Variants in LPAR3 observed in about 807,000 individuals in gnomAD.
LPAR3 encodes lysophosphatidic acid receptor 3.
A neutral mutation model predicts 17.8 loss-of-function variants in LPAR3; 7 were observed. The observed-to-expected ratio is 0.39, with a 90% CI of 0.22 to 0.74. The LOEUF (loss-of-function observed/expected upper bound fraction) is 0.74. Among genes scored for constraint, LPAR3 ranks in the 30% least tolerant of loss-of-function variants. The pLI is 0.40. For missense variants in LPAR3, 391 were observed against 453.4 expected (o/e 0.86, Z 1.25); for synonymous variants, 179 against 179.9 (o/e 0.99, Z 0.04).
At chr1:84,858,345 A>C (rs935225306) in intron 2 of LPAR3, among the ~76,000 whole-genome samples, 1 of 152,096 alleles carries the variant, frequency 6.6e-6, no homozygotes, top group Non-Finnish European at 1.5e-5. Flanking sequence ...GTAGCTGGGC[A>C]TGGTGCCACA....
chr1:84,818,499 T>G (rs1045204822), intron 2 of LPAR3, among the ~76,000 whole-genome samples: 1 of 152,244 alleles, frequency 6.6e-6, no homozygotes, highest in African/African-American at 2.4e-5. Flanking sequence ...TTATCCTTTT[T>G]TGAGTGTGTG....
intron 2 of LPAR3, among the ~76,000 whole-genome samples, chr1:84,823,402 T>C (rs186097892): frequency 3.9e-5 from 6 of 152,288 alleles, no homozygotes; most frequent in Middle Eastern, 6.8e-3. Flanking sequence ...CTTTAGTAAA[T>C]CTGATTTATA....
chr1:84,861,978 A>G (rs1391976026), intron 2 of LPAR3, among the ~76,000 whole-genome samples: 3 of 152,216 alleles, frequency 2.0e-5, no homozygotes, highest in Non-Finnish European at 2.9e-5. Context: ...GTTTGTGACC[A>G]TGACTGTCTC....
In LPAR3 at chr1:84,865,930, G is replaced by A; in HGVS notation, c.191C>T (p.Pro64Leu). ...TAAATTAGCCAACAGGTAGTAGAAG[G>A]GGAAATGAAATTTTCTGTTTTTGAT... ...AVIKNRKFHF[P>L]FYYLLANLAA... Residue 64 changes from proline (P) to leucine (L), a missense_variant, in exon 2 of 3, where the codon CCC becomes CTC. Coordinates refer to ENST00000370611, the MANE Select transcript of LPAR3 (RefSeq NM_012152.3). The A allele has an allele frequency of 6.2e-7, 1 of 1,614,074 alleles. No individual in the cohort carries two copies. Among genetic ancestry groups the A allele is most frequent in the Non-Finnish European group, 8.5e-7 (1 of 1,179,996 alleles).
intron 2 of LPAR3, among the ~76,000 whole-genome samples, chr1:84,846,892 C>T (rs867026345): frequency 1.3e-5 from 2 of 152,052 alleles, no homozygotes; most frequent in Admixed American, 6.5e-5. Flanking sequence ...ATAGGTCCTA[C>T]AAGAGTTTTA....
intron 2 of LPAR3, among the ~76,000 whole-genome samples, chr1:84,852,928 C>T (rs975488542): frequency 5.3e-5 from 8 of 151,896 alleles, no homozygotes; most frequent in Non-Finnish European, 8.8e-5. Flanking sequence ...TAGCTTACTA[C>T]GGTTTGAAGT....
At chr1:84,831,523 A>G (rs922830235) in intron 2 of LPAR3, among the ~76,000 whole-genome samples, 1 of 119,316 alleles carries the variant, frequency 8.4e-6, no homozygotes, top group African/African-American at 2.7e-5. Context: ...TGCATTATAT[A>G]TATATCATCA....
intron 1 of LPAR3, among the ~76,000 whole-genome samples, chr1:84,883,862 T>C (rs533146823): frequency 1.7e-4 from 26 of 152,320 alleles, no homozygotes; most frequent in Admixed American, 8.5e-4. Flanking sequence ...TTACTGAATC[T>C]AGAAGAAATA....
rs1421547983 is a variant in LPAR3, at chr1:84,813,931, G to A, written c.977C>T (p.Thr326Ile). ...GCCTGTGTCACTCCTGCTGAGGACT[G>A]TGGAGGGGATGCGAGAGGGACGCCT... ...PERRPSRIPSTVLSRSDTGSQ... is the reference protein window; with the variant it reads ...PERRPSRIPSIVLSRSDTGSQ... The change falls in exon 3 of 3, where the codon ACA (threonine) becomes ATA (isoleucine). Residue 326 changes from threonine to isoleucine, a missense_variant. Thr to Ile is a moderately conservative substitution (Grantham distance 89). Transcript: ENST00000370611. 1.2e-6 allele frequency: 2 copies of A among 1,614,076 alleles called. No individual in the cohort carries two copies. The highest frequency in any genetic ancestry group is 1.7e-6 in the Non-Finnish European group (2 of 1,180,026).
chr1:84,817,730 C>T (rs1220906856), intron 2 of LPAR3, among the ~76,000 whole-genome samples: 2 of 150,542 alleles, frequency 1.3e-5, no homozygotes, highest in African/African-American at 4.9e-5. Context: ...GCCAATCAGC[C>T]AATATTTTTG....
intron 2 of LPAR3, among the ~76,000 whole-genome samples, chr1:84,862,117 T>C (rs947689644): frequency 5.3e-5 from 8 of 152,156 alleles, no homozygotes; most frequent in African/African-American, 9.7e-5. Context: ...TCAAGACACA[T>C]AGCCAAGCAA....
rs1406644551 is a variant in LPAR3 at position 84,813,807 on chromosome 1, C to T, written c.*39G>A. On this transcript the variant is annotated 3_prime_UTR_variant, in exon 3 of 3. Transcript: ENST00000370611. ...GGTAATCATTCTTAACAGCTCTTTT[C>T]CCAGAGGAGGCCTGGGTGGGCCGAG... The T allele has an allele frequency of 2.0e-5, 30 of 1,528,144 alleles. No homozygotes were observed. Among genetic ancestry groups the T allele is most frequent in the Non-Finnish European group, 2.6e-5 (29 of 1,111,692 alleles). 94.7% of individuals were successfully genotyped at this position (1,528,144 alleles called of 1,614,324 possible). A position where few individuals can be genotyped will look rare whatever the true frequency, so the allele number is the denominator to read the frequency against.
At chr1:84,852,242 C>G (rs1324897221) in intron 2 of LPAR3, among the ~76,000 whole-genome samples, 1 of 151,794 alleles carries the variant, frequency 6.6e-6, no homozygotes, top group Non-Finnish European at 1.5e-5. Flanking sequence ...ACCACCACGC[C>G]TGGCTAATTT....
At chr1:84,884,183 A>G (rs1288879653) in intron 1 of LPAR3, among the ~76,000 whole-genome samples, 1 of 152,220 alleles carries the variant, frequency 6.6e-6, no homozygotes, top group African/African-American at 2.4e-5. Flanking sequence ...CAAATCGGGT[A>G]TCAGTTTAGA....
At chr1:84,853,043 C>T (rs1659749690) in intron 2 of LPAR3, among the ~76,000 whole-genome samples, 1 of 150,840 alleles carries the variant, frequency 6.6e-6, no homozygotes, top group African/African-American at 2.4e-5. Context: ...ATCGCTTGAG[C>T]TCAGGAGTTT....
Position 84,865,548 on chromosome 1 carries a change from C to T in LPAR3, c.573G>A (p.Trp191Ter). 1 of 1,614,112 alleles carries T rather than the reference C, an allele frequency of 6.2e-7. No individual in the cohort carries two copies. Among genetic ancestry groups the T allele is most frequent in the Non-Finnish European group, 8.5e-7 (1 of 1,180,036 alleles). Reference sequence around the variant, plus strand: ...GGAAGGCCATGAGGTTGGACACTGTCCAGAAAACAAGGTAACTCCTGCTGT... The same window carrying T: ...GGAAGGCCATGAGGTTGGACACTGTTCAGAAAACAAGGTAACTCCTGCTGT... The part of the protein sequence containing the change: ...PIYSRSYLVF[W>*]TVSNLMAFLI... The change falls in exon 2 of 3, where the codon TGG (tryptophan) becomes TGA (stop). Residue 191 changes from tryptophan (W) to a stop codon, truncating the protein, a stop_gained. Coordinates refer to ENST00000370611, the MANE Select transcript of LPAR3 (RefSeq NM_012152.3). LOFTEE classifies it high-confidence loss of function.
chr1:84,875,030 G>T (rs1439245191), intron 1 of LPAR3, among the ~76,000 whole-genome samples: 1 of 151,960 alleles, frequency 6.6e-6, no homozygotes, highest in Non-Finnish European at 1.5e-5. Context: ...CTCCTGAGTG[G>T]CTGGGACTAC....
At chr1:84,876,469 G>A (rs1027596122) in intron 1 of LPAR3, among the ~76,000 whole-genome samples, 1 of 152,154 alleles carries the variant, frequency 6.6e-6, no homozygotes, top group Non-Finnish European at 1.5e-5. Context: ...CCAGGTTGCT[G>A]TAGGTTGGCT....
intron 1 of LPAR3, among the ~76,000 whole-genome samples, chr1:84,874,182 G>A (rs1000358820): frequency 1.3e-5 from 2 of 152,176 alleles, no homozygotes; most frequent in African/African-American, 2.4e-5. Context: ...AGAGGCAAGC[G>A]TACAATGGGT....
Sources: gnomAD v4.1 joint callset for allele counts (sites outside exome capture counted in the v4.1 genomes callset) on GRCh38, gnomAD v4.1.1 for gene constraint, MANE v1.5 for transcripts, NCBI Gene and HGNC (gene_info 2026-07-23, HGNC 2026-07-21) for gene names.